AOX1: variants seen among roughly 807,000 people sequenced by gnomAD.
The protein encoded by AOX1 is aldehyde oxidase 1.
AOX1 carries 153 observed loss-of-function variants against 169.5 expected under a neutral mutation model. The observed-to-expected ratio is 0.90, with a 90% CI of 0.79 to 1.03. The LOEUF is 1.03. Ranked by LOEUF, AOX1 falls within the 50% of genes least tolerant of loss-of-function variation. The pLI, the probability that AOX1 is intolerant of heterozygous loss-of-function variation, is 0.00. For missense variants in AOX1, 1,656 were observed against 1,663.9 expected (o/e 1.00, Z 0.08); for synonymous variants, 562 against 581.9 (o/e 0.97, Z 0.49).
Position 200,642,666 on chromosome 2 carries a change from C to T in AOX1, c.2712C>T (p.Arg904=), listed in dbSNP as rs140767968. The T allele has an allele frequency of 6.2e-7, 1 of 1,614,172 alleles. No homozygotes were observed. The highest frequency in any genetic ancestry group is 1.3e-5 in the African/African-American group (1 of 75,056). Residue 904 remains arginine, a synonymous_variant, in exon 25 of 35, where the codon CGC becomes CGT. Transcript: ENST00000374700. ...ATGCTTACAAGTTTCCCAATCTCCG[C>T]TGCCGGGGTTGGGCATGCAGAACCA... ...MDNAYKFPNL[R]CRGWACRTNL... is the part of the protein sequence containing the mutation.
intron 25 of AOX1, among the ~76,000 whole-genome samples, chr2:200,649,700 T>C (rs2035540468): frequency 6.6e-6 from 1 of 152,040 alleles, no homozygotes; most frequent in Non-Finnish European, 1.5e-5. Context: ...TCCTGGCTCC[T>C]CCTCCCAGAT....
intron 25 of AOX1, among the ~76,000 whole-genome samples, chr2:200,648,318 T>C (rs1215395983): frequency 6.6e-6 from 1 of 152,220 alleles, no homozygotes; most frequent in African/African-American, 2.4e-5. Flanking sequence ...TCCCTATGGA[T>C]GTGGCTTCCT....
At chr2:200,633,862 T>C (rs1209601365) in intron 20 of AOX1, among the ~76,000 whole-genome samples, 2 of 152,212 alleles carry the variant, frequency 1.3e-5, no homozygotes, top group Non-Finnish European at 2.9e-5. Flanking sequence ...TAGAGTACTT[T>C]AACCTTTTAC....
intron 10 of AOX1, among the ~76,000 whole-genome samples, chr2:200,606,991 T>A (rs2105702859): frequency 6.6e-6 from 1 of 152,344 alleles, no homozygotes; most frequent in South Asian, 2.1e-4. Context: ...CTTGCCTGAT[T>A]GCACTGGGCA....
chr2:200,666,858 A>T, intron 32 of AOX1, 106 bp downstream of exon 32: 1 of 735,960 alleles, frequency 1.4e-6, no homozygotes. Flanking sequence ...TATTTTTCTA[A>T]CCCTTTAGTC....
At position 200,642,681 on chromosome 2, in the gene AOX1, A is replaced by G. The variant is rs1237593821; in HGVS notation, c.2727A>G (p.Ala909=). 1 of 1,614,178 alleles carries G rather than the reference A, an allele frequency of 6.2e-7. No individual in the cohort carries two copies. The highest frequency in any genetic ancestry group is 8.5e-7 in the Non-Finnish European group (1 of 1,180,020). Residue 909 remains alanine, a synonymous_variant, in exon 25 of 35, where the codon GCA becomes GCG. Coordinates refer to ENST00000374700, the MANE Select transcript of AOX1 (RefSeq NM_001159.4). ...KFPNLRCRGW[A]CRTNLPSNTA... is the part of the protein sequence containing the mutation. ...CCAATCTCCGCTGCCGGGGTTGGGC[A>G]TGCAGAACCAACCTTCCATCCAACA...
intron 21 of AOX1, among the ~76,000 whole-genome samples, chr2:200,635,583 G>A (rs2035212861): frequency 6.6e-6 from 1 of 152,122 alleles, no homozygotes; most frequent in African/African-American, 2.4e-5. Flanking sequence ...AGACAAGAGA[G>A]GTCACTTCCA....
At chr2:200,681,191 T>C (rs78121483), downstream of AOX1, among the ~76,000 whole-genome samples, 2,510 of 152,282 alleles carry the variant, frequency 0.016, 75 homozygotes, top group African/African-American at 0.058. Flanking sequence ...GGAGTTTTTT[T>C]CCAGAAAGCC....
At chr2:200,620,598 C>G in intron 16 of AOX1, 52 bp from the exon 17 acceptor site, 7 of 1,387,008 alleles carry the variant, frequency 5.0e-6, no homozygotes, top group Non-Finnish European at 6.7e-6. Flanking sequence ...AATAATAATT[C>G]CTACTTTCTC....
intron 20 of AOX1, among the ~76,000 whole-genome samples, chr2:200,633,666 G>A (rs2035173097): frequency 6.6e-6 from 1 of 151,980 alleles, no homozygotes; most frequent in African/African-American, 2.4e-5. Flanking sequence ...ATCCTTGTCA[G>A]ATAATTCTAA....
chr2:200,611,785 A>G (rs1045096232), intron 13 of AOX1, among the ~76,000 whole-genome samples: 1 of 151,390 alleles, frequency 6.6e-6, no homozygotes, highest in Admixed American at 6.6e-5. Context: ...GCTCACTGCA[A>G]TCTCTGCCTC....
intron 30 of AOX1, 88 bp downstream of exon 30, chr2:200,661,719 T>A (rs999399763): frequency 7.1e-5 from 71 of 995,414 alleles, no homozygotes; most frequent in Non-Finnish European, 1.1e-4. Context: ...TTGGCAAACG[T>A]TGACTTTCTA....
downstream of AOX1, among the ~76,000 whole-genome samples, chr2:200,676,330 T>C (rs2036096641): frequency 6.6e-6 from 1 of 152,154 alleles, no homozygotes; most frequent in Non-Finnish European, 1.5e-5. Context: ...CCGGGTGCAG[T>C]GACTCATGCC....
In AOX1 at chr2:200,609,076, T is replaced by C. The variant is rs1197444857; in HGVS notation, c.1000T>C (p.Tyr334His). 1 of 1,614,084 alleles carries C rather than the reference T, an allele frequency of 6.2e-7. No individual in the cohort carries two copies. Among genetic ancestry groups the C allele is most frequent in the Non-Finnish European group, 8.5e-7 (1 of 1,179,998 alleles). Residue 334 changes from tyrosine (Y) to histidine (H), a missense_variant, in exon 11 of 35, where the codon TAC becomes CAC. By Grantham distance (83) the Tyr-to-His change is moderately conservative (BLOSUM62 2). Transcript: ENST00000374700. ...GCTTCCAGAGGAGAAGACACAGATG[T>C]ACCATGCTCTCCTGAAGCATTTGGG... ...QKLPEEKTQM[Y>H]HALLKHLGTL...
At chr2:200,675,146 G>T (rs894570283), downstream of AOX1, among the ~76,000 whole-genome samples, 1 of 152,106 alleles carries the variant, frequency 6.6e-6, no homozygotes, top group Admixed American at 6.5e-5. Context: ...TAGAGGATGG[G>T]CTCCCTCCTC....
intron 32 of AOX1, among the ~76,000 whole-genome samples, 166 bp downstream of exon 32, chr2:200,666,918 G>A (rs2035933815): frequency 6.6e-6 from 1 of 152,158 alleles, no homozygotes; most frequent in African/African-American, 2.4e-5. Context: ...TGTTTAAAAG[G>A]GGGAAGGAAA....
rs141585936 is a variant in AOX1 at position 200,642,647 on chromosome 2, A to T, written c.2693A>T (p.Tyr898Phe). The T allele has an allele frequency of 6.2e-7, 1 of 1,614,148 alleles. No homozygotes were observed. Among genetic ancestry groups the T allele is most frequent in the Non-Finnish European group, 8.5e-7 (1 of 1,180,014 alleles). ...GGACTTCTGAAAATGGACAATGCTT[A>T]CAAGTTTCCCAATCTCCGCTGCCGG... ...EMGLLKMDNA[Y>F]KFPNLRCRGW... The change falls in exon 25 of 35, where the codon TAC (tyrosine) becomes TTC (phenylalanine). Residue 898 changes from tyrosine to phenylalanine, a missense_variant. Coordinates refer to ENST00000374700, the MANE Select transcript of AOX1 (RefSeq NM_001159.4).
intron 27 of AOX1, among the ~76,000 whole-genome samples, chr2:200,657,185 TA>T (rs1363560154): frequency 9.1e-4 from 68 of 74,580 alleles, no homozygotes; most frequent in Admixed American, 3.3e-3. Flanking sequence ...TATATATATA[TA>T]TATATTTTTT....
At chr2:200,630,180 C>A (rs2035086874) in intron 20 of AOX1, among the ~76,000 whole-genome samples, 1 of 140,428 alleles carries the variant, frequency 7.1e-6, no homozygotes, top group Non-Finnish European at 1.5e-5. Context: ...TTGAGACCAG[C>A]CCGGTCAATG....
Sources: allele counts gnomAD v4.1 joint callset (sites outside exome capture counted in the v4.1 genomes callset), GRCh38; gene constraint gnomAD v4.1.1; transcripts MANE v1.5; gene names NCBI Gene and HGNC (gene_info 2026-07-23, HGNC 2026-07-21).